UNC13C: variants seen among roughly 807,000 people sequenced by gnomAD.
UNC13C encodes the protein unc-13 homolog C.
In UNC13C, 174 loss-of-function variants were observed where a neutral mutation model predicts 245.4. That is an observed-to-expected ratio of 0.71 (90% CI 0.63 to 0.80). UNC13C has a LOEUF of 0.80. UNC13C is among the 30% of genes least tolerant of loss of function. UNC13C has a pLI of 0.00. For missense variants in UNC13C, 2,829 were observed against 2,602.9 expected (o/e 1.09, Z -1.89); for synonymous variants, 992 against 895.1 (o/e 1.11, Z -1.93).
At chr15:54,016,555 T>G (rs1895668957) in intron 2 of UNC13C, among the ~76,000 whole-genome samples, 1 of 152,192 alleles carries the variant, frequency 6.6e-6, no homozygotes, top group Admixed American at 6.5e-5. Context: ...GTGGTTACCT[T>G]CTTAAGAATA....
At chr15:54,531,020 G>C (rs1465471346) in intron 25 of UNC13C, among the ~76,000 whole-genome samples, 1 of 152,220 alleles carries the variant, frequency 6.6e-6, no homozygotes, top group South Asian at 2.1e-4. Context: ...ACAGGTTCAA[G>C]TGGGAGGATG....
the UNC13C span, among the ~76,000 whole-genome samples, chr15:53,965,411 T>C: frequency 3.3e-5 from 5 of 152,136 alleles, no homozygotes; most frequent in Non-Finnish European, 5.9e-5. Flanking sequence ...TCTCTAATAC[T>C]GAATATCAAT....
At chr15:54,170,318 A>G (rs112703885) in intron 4 of UNC13C, among the ~76,000 whole-genome samples, 22 of 152,260 alleles carry the variant, frequency 1.4e-4, no homozygotes, top group African/African-American at 4.8e-4. Flanking sequence ...CAGTAAGGGG[A>G]AAAAGATGAA....
rs765317371 is a variant in UNC13C, at chr15:54,013,750, G to A, written c.847G>A (p.Val283Ile). The A allele has an allele frequency of 1.2e-6, 2 of 1,611,388 alleles. No homozygotes were observed. The highest frequency in any genetic ancestry group is 2.2e-5 in the South Asian group (2 of 90,840). The change falls in exon 2 of 33, where the codon GTT (valine) becomes ATT (isoleucine). Residue 283 changes from valine to isoleucine, a missense_variant. Coordinates refer to ENST00000260323, the MANE Select transcript of UNC13C (RefSeq NM_001080534.3). ...CGATGAGATCTCCAGCAGTGTGGAG[G>A]TTGTACAAAGTGAAATTGAGCAGTT... is the stretch of plus-strand genomic sequence containing the variant. ...SIDEISSSVE[V>I]VQSEIEQLRT...
chr15:54,449,734 C>T (rs1891062029), intron 19 of UNC13C, among the ~76,000 whole-genome samples: 1 of 152,194 alleles, frequency 6.6e-6, no homozygotes, highest in African/African-American at 2.4e-5. Flanking sequence ...CCTCCTTTAG[C>T]TTGGAGAAGT....
chr15:54,138,953 A>ATTTTTTTTTTGTTTTTTTTT (rs2031873093), intron 2 of UNC13C, among the ~76,000 whole-genome samples: 1 of 48,632 alleles, frequency 2.1e-5, no homozygotes, highest in Non-Finnish European at 3.5e-5. Flanking sequence ...ATTTCCCCTA[A>ATTTTTTTTTTGTTTTTTTTT]TTTTTTTTTT....
chr15:54,559,330 C>T (rs1030068186), intron 29 of UNC13C, among the ~76,000 whole-genome samples: 2 of 152,010 alleles, frequency 1.3e-5, no homozygotes, highest in Non-Finnish European at 1.5e-5. Flanking sequence ...TTCTTACCCT[C>T]GCAGAGGTTC....
chr15:54,444,091 T>C (rs1264844886), intron 19 of UNC13C, among the ~76,000 whole-genome samples: 2 of 151,930 alleles, frequency 1.3e-5, no homozygotes, highest in Non-Finnish European at 2.9e-5. Context: ...TGGTTACATA[T>C]ATATTTAGAA....
intron 2 of UNC13C, among the ~76,000 whole-genome samples, chr15:54,140,529 C>T (rs2031967882): frequency 6.6e-6 from 1 of 152,054 alleles, no homozygotes; most frequent in Non-Finnish European, 1.5e-5. Flanking sequence ...AATACTGAAC[C>T]CAGGATGACA....
chr15:54,321,463 C>G (rs1387139713), intron 13 of UNC13C: 3 of 489,510 alleles, frequency 6.1e-6, no homozygotes, highest in African/African-American at 2.0e-5. Context: ...GCCTTGCGTT[C>G]ATGGCTACAT....
chr15:54,272,384 A>T (rs114571578), intron 10 of UNC13C, among the ~76,000 whole-genome samples: 3,816 of 152,312 alleles, frequency 0.025, 151 homozygotes, highest in African/African-American at 0.087. Context: ...TTGATAGCAC[A>T]GCAGACTAAT....
chr15:54,103,910 A>T (rs933350445), intron 2 of UNC13C, among the ~76,000 whole-genome samples: 1 of 151,884 alleles, frequency 6.6e-6, no homozygotes. Context: ...ATGCCCAGCT[A>T]ATTTTTGTAT....
intron 19 of UNC13C, among the ~76,000 whole-genome samples, chr15:54,457,892 G>GTTTTTTTTTTTTTTTCTTTTTTTTTTTTT (rs34133938): frequency 8.1e-6 from 1 of 122,990 alleles, no homozygotes; most frequent in Non-Finnish European, 1.6e-5. Flanking sequence ...TCTGCTTTTC[G>GTTTTTTTTTTTTTTTCTTTTTTTTTTTTT]TTTTTTTTTT....
chr15:54,037,000 G>T (rs535040642), intron 2 of UNC13C, among the ~76,000 whole-genome samples: 52 of 152,324 alleles, frequency 3.4e-4, no homozygotes, highest in Non-Finnish European at 5.6e-4. Context: ...AAGAAAATGG[G>T]CCTGCTGTGG....
In UNC13C at chr15:54,297,817, G is replaced by A. The variant is rs745638152; in HGVS notation, c.3995G>A (p.Arg1332Lys). 1 of 1,604,124 alleles carries A rather than the reference G, an allele frequency of 6.2e-7. No individual in the cohort carries two copies. The highest frequency in any genetic ancestry group is 1.1e-5 in the South Asian group (1 of 88,926). ...TGCCTTTTTGCTTTATCAGAGAAAA[G>A]GACAGATAAGTCAGCTGTATCTGGG... is the stretch of plus-strand genomic sequence containing the variant. ...EMDVWYNLEK[R>K]TDKSAVSGAI... The change falls in exon 12 of 33, where the codon AGG becomes AAG. Residue 1332 changes from arginine (R) to lysine (K), a missense_variant. Coordinates refer to ENST00000260323, the MANE Select transcript of UNC13C (RefSeq NM_001080534.3).
intron 2 of UNC13C, among the ~76,000 whole-genome samples, chr15:54,076,621 T>A (rs1323402745): frequency 8.8e-6 from 1 of 113,484 alleles, no homozygotes; most frequent in Non-Finnish European, 2.3e-5. Context: ...AATAGGAGGT[T>A]GCTGGCAGAG....
chr15:54,116,414 A>G (rs1348296681), intron 2 of UNC13C, among the ~76,000 whole-genome samples: 1 of 152,066 alleles, frequency 6.6e-6, no homozygotes, highest in Non-Finnish European at 1.5e-5. Context: ...TAATCAGCCT[A>G]TCTTTATAAC....
chr15:54,189,774 TTCCATAAAGGA>T (rs1235445883), intron 4 of UNC13C, among the ~76,000 whole-genome samples: 1 of 152,094 alleles, frequency 6.6e-6, no homozygotes, highest in Non-Finnish European at 1.5e-5. Flanking sequence ...CAGATCAAGT[TTCCATAAAGGA>T]GAGAAATACA....
chr15:54,524,785 T>G (rs547804637), intron 24 of UNC13C, among the ~76,000 whole-genome samples: 1 of 152,324 alleles, frequency 6.6e-6, no homozygotes, highest in South Asian at 2.1e-4. Flanking sequence ...TGTCCTCTTC[T>G]TTTCAATAGT....
Sources: gnomAD v4.1 joint callset for allele counts (sites outside exome capture counted in the v4.1 genomes callset) on GRCh38, gnomAD v4.1.1 for gene constraint, MANE v1.5 for transcripts, NCBI Gene and HGNC (gene_info 2026-07-23, HGNC 2026-07-21) for gene names.